Variants in FGGY observed in about 807,000 individuals in gnomAD.
FGGY encodes the protein FGGY carbohydrate kinase domain containing.
A neutral mutation model predicts 71.3 loss-of-function variants in FGGY; 72 were observed. The observed-to-expected ratio is 1.01, with a 90% CI of 0.84 to 1.23. The LOEUF (loss-of-function observed/expected upper bound fraction) is 1.23, where lower values mean the gene tolerates loss of function less well. Among genes scored for constraint, FGGY ranks in the 50% most tolerant of loss-of-function variants. The probability of loss-of-function intolerance (pLI) is 0.00; values close to 1 mark genes in which losing one functional copy is unlikely to be tolerated. For synonymous variants in FGGY, 251 were observed against 250.3 expected, an observed-to-expected ratio of 1.00 and a Z score of -0.02; for missense variants, 668 against 682.3, an observed-to-expected ratio of 0.98 and a Z score of 0.23.
intron 14 of FGGY, among the ~76,000 whole-genome samples, chr1:59,718,330 G>T (rs1483362482): frequency 6.6e-6 from 1 of 152,082 alleles, no homozygotes; most frequent in African/African-American, 2.4e-5. Flanking sequence ...TAGATATAAG[G>T]CTTCTCTGAT....
chr1:59,321,727 G>T lies in FGGY; in HGVS notation c.178G>T (p.Ala60Ser). The change falls in exon 2 of 16, where the codon GCT (alanine) becomes TCT (serine). Residue 60 changes from alanine to serine, a missense_variant. Coordinates refer to ENST00000303721, the MANE Select transcript of FGGY (RefSeq NM_018291.5). ...HHEQSSEDIW[A>S]ACCVVTKKVV... ...TGAGCAGTCCTCCGAGGACATCTGG[G>T]CTGCGTGCTGTGTTGTCACAAAGGT... is the stretch of plus-strand genomic sequence containing the variant. 1.2e-6 allele frequency: 2 copies of T among 1,611,702 alleles called. No homozygotes were observed. The highest frequency in any genetic ancestry group is 1.7e-6 in the Non-Finnish European group (2 of 1,179,060).
intron 6 of FGGY, among the ~76,000 whole-genome samples, chr1:59,503,324 G>T (rs1341177782): frequency 2.6e-5 from 4 of 152,066 alleles, no homozygotes; most frequent in African/African-American, 9.6e-5. Context: ...TGATAAATGG[G>T]CACTATTACT....
At chr1:59,592,899 A>T (rs541931699) in intron 8 of FGGY, among the ~76,000 whole-genome samples, 124 of 152,322 alleles carry the variant, frequency 8.1e-4, no homozygotes, top group South Asian at 4.8e-3. Context: ...ACTAACCGGC[A>T]CATTGTGCAC....
At chr1:59,443,108 G>A (rs920845138) in intron 5 of FGGY, among the ~76,000 whole-genome samples, 1 of 152,112 alleles carries the variant, frequency 6.6e-6, no homozygotes, top group Non-Finnish European at 1.5e-5. Context: ...AACTTGCTGG[G>A]TACTGGGCTA....
At chr1:59,536,362 A>C (rs1431110978) in intron 7 of FGGY, among the ~76,000 whole-genome samples, 1 of 152,234 alleles carries the variant, frequency 6.6e-6, no homozygotes, top group Non-Finnish European at 1.5e-5. Context: ...AAAAAAGTCC[A>C]GGACCAGATG....
chr1:59,722,433 G>A (rs551878913), intron 14 of FGGY, among the ~76,000 whole-genome samples: 15 of 152,270 alleles, frequency 9.9e-5, no homozygotes, highest in African/African-American at 3.1e-4. Flanking sequence ...AGTAAGTTAC[G>A]ATCTACCTCC....
chr1:59,325,970 G>A, intron 2 of FGGY, among the ~76,000 whole-genome samples: 1 of 152,184 alleles, frequency 6.6e-6, no homozygotes. Flanking sequence ...AAGTCATAGA[G>A]GTTATATGCA....
At chr1:59,616,328 G>A (rs2096753658) in intron 9 of FGGY, among the ~76,000 whole-genome samples, 1 of 152,156 alleles carries the variant, frequency 6.6e-6, no homozygotes. Flanking sequence ...CATGTCCTTT[G>A]TAGGGACATG....
intron 4 of FGGY, among the ~76,000 whole-genome samples, chr1:59,350,441 G>A (rs1391230103): frequency 6.6e-6 from 1 of 152,200 alleles, no homozygotes; most frequent in Admixed American, 6.5e-5. Flanking sequence ...TTTGACAGGA[G>A]CCTCAAGATA....
chr1:59,552,826 A>T (rs2095629717), intron 7 of FGGY, among the ~76,000 whole-genome samples: 1 of 151,994 alleles, frequency 6.6e-6, no homozygotes, highest in Admixed American at 6.6e-5. Flanking sequence ...AAGCATTTGT[A>T]CTCTTACTTC....
At chr1:59,761,957 G>C (rs879459123) in intron 15 of FGGY, among the ~76,000 whole-genome samples, 1 of 152,158 alleles carries the variant, frequency 6.6e-6, no homozygotes, top group Non-Finnish European at 1.5e-5. Flanking sequence ...CATTAAGTCC[G>C]GCCTTTTTGT....
At chr1:59,723,049 G>A (rs568157647) in intron 14 of FGGY, among the ~76,000 whole-genome samples, 8 of 152,128 alleles carry the variant, frequency 5.3e-5, no homozygotes, top group South Asian at 2.1e-4. Flanking sequence ...CACCCACCTC[G>A]GCCTCCCAAA....
intron 5 of FGGY, among the ~76,000 whole-genome samples, chr1:59,421,645 A>C (rs758964384): frequency 1.3e-5 from 2 of 151,762 alleles, no homozygotes; most frequent in Non-Finnish European, 2.9e-5. Flanking sequence ...TGGGCTGACA[A>C]GAAGAGGATG....
intron 4 of FGGY, among the ~76,000 whole-genome samples, chr1:59,375,640 A>C (rs967047426): frequency 6.6e-6 from 1 of 152,152 alleles, no homozygotes; most frequent in African/African-American, 2.4e-5. Flanking sequence ...CTCCTTAGAG[A>C]GGAGAGGTTG....
At chr1:59,374,619 G>A (rs1234771273) in intron 4 of FGGY, among the ~76,000 whole-genome samples, 2 of 152,036 alleles carry the variant, frequency 1.3e-5, no homozygotes, top group Admixed American at 6.6e-5. Flanking sequence ...GTTTATTGCG[G>A]CACTGTTCAC....
At chr1:59,556,227 G>A (rs537161222) in intron 8 of FGGY, among the ~76,000 whole-genome samples, 2 of 152,218 alleles carry the variant, frequency 1.3e-5, no homozygotes, top group South Asian at 4.2e-4. Context: ...TATTTTCACA[G>A]GGATACATCT....
chr1:59,437,570 G>A (rs2068747441), intron 5 of FGGY, among the ~76,000 whole-genome samples: 1 of 152,220 alleles, frequency 6.6e-6, no homozygotes, highest in Admixed American at 6.5e-5. Context: ...TGGGGGAGGA[G>A]TTAGGGAAGT....
chr1:59,409,598 TTATATA>T (rs202016801), intron 5 of FGGY, among the ~76,000 whole-genome samples: 16,330 of 105,726 alleles, frequency 0.15, 1,360 homozygotes, highest in African/African-American at 0.26. Flanking sequence ...GAAGAGTTTT[TTATATA>T]TATATATATA....
chr1:59,507,287 C>G (rs1287924246), intron 6 of FGGY, among the ~76,000 whole-genome samples: 1 of 152,174 alleles, frequency 6.6e-6, no homozygotes, highest in East Asian at 1.9e-4. Flanking sequence ...CTTCTAGTTA[C>G]AAGAGTAGGT....
Sources: allele counts gnomAD v4.1 joint callset (sites outside exome capture counted in the v4.1 genomes callset), GRCh38; gene constraint gnomAD v4.1.1; transcripts MANE v1.5; gene names NCBI Gene and HGNC (gene_info 2026-07-23, HGNC 2026-07-21).